LRP2: variants seen among roughly 807,000 people sequenced by gnomAD.
LRP2 encodes the protein low-density lipoprotein receptor-related protein 2.
A neutral mutation model predicts 531.0 loss-of-function variants in LRP2; 172 were observed. The observed-to-expected ratio is 0.32, with a 90% CI of 0.29 to 0.37. The LOEUF is 0.37. Ranked by LOEUF, LRP2 falls within the 10% of genes least tolerant of loss-of-function variation. LRP2 has a pLI of 1.00. For synonymous variants in LRP2, 1,992 were observed against 2,027.6 expected (o/e 0.98, Z 0.47); for missense variants, 5,167 against 5,868.3 (o/e 0.88, Z 3.90).
intron 64 of LRP2, 111 bp from the exon 65 acceptor site, chr2:169,156,516 G>C (rs1686337163): frequency 1.7e-6 from 2 of 1,180,622 alleles, no homozygotes; most frequent in South Asian, 1.2e-5. Context: ...GAAGGGTACA[G>C]ATGAAAATAA....
chr2:169,303,112 T>C (rs1279603225), intron 4 of LRP2, among the ~76,000 whole-genome samples: 2 of 152,134 alleles, frequency 1.3e-5, no homozygotes, highest in Non-Finnish European at 1.5e-5. Context: ...ATATTAGTTA[T>C]GAGTTCATCA....
At chr2:169,212,319 C>T in intron 36 of LRP2, 112 bp from the exon 37 acceptor site, 1 of 1,347,756 alleles carries the variant, frequency 7.4e-7, no homozygotes, top group South Asian at 1.2e-5. Context: ...TAATAACCAA[C>T]ATATAGTAGC....
intron 16 of LRP2, among the ~76,000 whole-genome samples, chr2:169,263,668 C>A (rs1238385927): frequency 6.6e-6 from 1 of 151,582 alleles, no homozygotes; most frequent in African/African-American, 2.4e-5. Flanking sequence ...CTAGTTCAAC[C>A]ATTGTGGAAG....
chr2:169,147,088 G>A (rs1685942296), intron 68 of LRP2, 129 bp from the exon 69 acceptor site: 1 of 738,432 alleles, frequency 1.4e-6, no homozygotes, highest in African/African-American at 1.7e-5. Flanking sequence ...AGTGACACCA[G>A]TTTTATATTT....
chr2:169,151,057 G>A, intron 67 of LRP2, 31 bp from the exon 68 acceptor site: 1 of 1,612,944 alleles, frequency 6.2e-7, no homozygotes, highest in Non-Finnish European at 8.5e-7. Context: ...TTAAACAACT[G>A]CAAAGCCTAG....
chr2:169,256,137 C>G lies in LRP2; in HGVS notation c.2739G>C (p.Met913Ile), dbSNP rs1185032643. 1 of 1,612,906 alleles carries G rather than the reference C, an allele frequency of 6.2e-7. No individual in the cohort carries two copies. The highest frequency in any genetic ancestry group is 1.3e-5 in the African/African-American group (1 of 74,870). The change falls in exon 19 of 79, where the codon ATG (methionine) becomes ATC (isoleucine). Residue 913 changes from methionine (M) to isoleucine (I), a missense_variant. Physicochemically the swap from Met to Ile is conservative, Grantham distance 10 (BLOSUM62 1). This residue lies in a region of LRP2 where 2,811 missense variants were observed against 3,058.0 expected (regional missense o/e 0.92). Coordinates refer to ENST00000649046, the MANE Select transcript of LRP2 (RefSeq NM_004525.3). ...DRRRLGHIEQMTHPFGLAIFG... is the reference protein window; with the variant it reads ...DRRRLGHIEQITHPFGLAIFG... ...AGATGGCAAGTCCAAACGGATGTGT[C>G]ATCTGCTCTATATGGCCCAGTCTTC...
At position 169,292,832 on chromosome 2, in the gene LRP2, CAAAAAAA is replaced by C. The variant is rs59783436; in HGVS notation, c.653-470_653-464del. ...TGGGTGACAGAGTGAGACCCTGTCT[CAAAAAAA>C]AAAAAAAAAAAAAAAAAAATTAAAA... On this transcript the variant is annotated intron_variant, in intron 6 of 78. Transcript: ENST00000649046. Among the ~76,000 whole-genome samples the C allele has an allele frequency of 1.5e-3, 158 of 107,052 alleles. 3 individuals are homozygous for C. Among genetic ancestry groups the C allele is most frequent in the African/African-American group, 4.3e-3 (126 of 29,386 alleles). The allele number at this position is 107,052 out of a possible 152,430, so 70.2% of individuals were successfully genotyped here.
chr2:169,259,391 A>C (rs898782937), intron 16 of LRP2, among the ~76,000 whole-genome samples, 174 bp from the exon 17 acceptor site: 1 of 151,640 alleles, frequency 6.6e-6, no homozygotes, highest in South Asian at 2.1e-4. Context: ...GAGCAATAAC[A>C]TGAGACAAAC....
intron 1 of LRP2, among the ~76,000 whole-genome samples, chr2:169,326,991 T>G (rs1457022043): frequency 6.8e-6 from 1 of 146,888 alleles, no homozygotes; most frequent in South Asian, 2.2e-4. Context: ...ATCCGCCCCA[T>G]CTGAGAAGTG....
At position 169,213,793 on chromosome 2, in the gene LRP2, G is replaced by T. The variant is rs1688681227; in HGVS notation, c.5904C>A (p.Val1968=). ...CAGTATAATAAAGGAAAGAATCATGGACTGCAATTCCCCAGGGGTGGGAAA... is the reference window on the plus strand; with the variant it reads ...CAGTATAATAAAGGAAAGAATCATGTACTGCAATTCCCCAGGGGTGGGAAA... ...HQLSHPWGIA[V]HDSFLYYTDE... The change falls in exon 36 of 79, where the codon GTC becomes GTA. Residue 1968 remains valine (V), a synonymous_variant. Transcript: ENST00000649046. 6.2e-7 allele frequency: 1 copy of T among 1,613,620 alleles called. No individual in the cohort carries two copies. The highest frequency in any genetic ancestry group is 1.3e-5 in the African/African-American group (1 of 74,856).
intron 73 of LRP2, 83 bp downstream of exon 73, chr2:169,139,460 C>A: frequency 6.2e-7 from 1 of 1,613,014 alleles, no homozygotes. Context: ...CCTTCAAAGA[C>A]TGGGTTAAGT....
At chr2:169,225,506 A>T in intron 32 of LRP2, 53 bp from the exon 33 acceptor site, 2 of 1,604,576 alleles carry the variant, frequency 1.2e-6, no homozygotes, top group East Asian at 4.5e-5. Context: ...GGCTCCTACA[A>T]AAGAACCCTT....
chr2:169,201,779 A>G lies in LRP2; in HGVS notation c.8301T>C (p.Gly2767=). 1 of 1,614,194 alleles carries G rather than the reference A, an allele frequency of 6.2e-7. No individual in the cohort carries two copies. The highest frequency in any genetic ancestry group is 8.5e-7 in the Non-Finnish European group (1 of 1,180,032). Residue 2767 remains glycine (G), a synonymous_variant, in exon 44 of 79, where the codon GGT becomes GGC. Coordinates refer to ENST00000649046, the MANE Select transcript of LRP2 (RefSeq NM_004525.3). ...SYRCDYYNDC[G]DGSDEAGCLF... is the part of the protein sequence containing the mutation. ...GGCACCCTGCCTCATCACTGCCATCACCACAGTCATTGTAGTAATCACAGC... is the reference window on the plus strand; with the variant it reads ...GGCACCCTGCCTCATCACTGCCATCGCCACAGTCATTGTAGTAATCACAGC...
rs1689742066 is a variant in LRP2, at chr2:169,239,867, T to C, written c.4046-92A>G. Reference sequence around the variant, plus strand: ...ATGCAATATTTATTATGCAGTCTCATGCCACCTTCAATATGATGCCCAGAC... The same window carrying C: ...ATGCAATATTTATTATGCAGTCTCACGCCACCTTCAATATGATGCCCAGAC... On this transcript the variant is annotated intron_variant, in intron 25 of 78. Transcript: ENST00000649046. The C allele has an allele frequency of 3.6e-6, 4 of 1,116,370 alleles. No individual in the cohort carries two copies. In the Admixed American group the frequency reaches 5.6e-5, roughly 16 times the overall value. The allele number at this position is 1,116,370 out of a possible 1,614,324, so 69.2% of individuals were successfully genotyped here. A position where few individuals can be genotyped will look rare whatever the true frequency, so the allele number is the denominator to read the frequency against.
At chr2:169,348,765 C>A (rs1685763076) in intron 1 of LRP2, among the ~76,000 whole-genome samples, 1 of 152,152 alleles carries the variant, frequency 6.6e-6, no homozygotes, top group South Asian at 2.1e-4. Context: ...GATGCAGATT[C>A]AACTACTCAA....
In LRP2 at chr2:169,257,223, C is replaced by T. The variant is rs537125368; in HGVS notation, c.2540G>A (p.Arg847His). 162 of 1,612,686 alleles carry T rather than the reference C, an allele frequency of 1.0e-4. No homozygotes were observed. Among genetic ancestry groups the T allele is most frequent in the South Asian group, 8.0e-4 (73 of 91,060 alleles). ...AGYLFFTDWF[R>H]PAKIMRAWSD... ...CCATGCTCTCATAATTTTAGCAGGA[C>T]GGAACCAATCAGTGAAGAATAGATA... Residue 847 changes from arginine to histidine, a missense_variant, in exon 18 of 79, where the codon CGT becomes CAT. This residue lies in a region of LRP2 where 2,811 missense variants were observed against 3,058.0 expected (regional missense o/e 0.92). Transcript: ENST00000649046.
intron 57 of LRP2, 115 bp from the exon 58 acceptor site, chr2:169,172,249 C>T: frequency 8.2e-7 from 1 of 1,219,000 alleles, no homozygotes; most frequent in Non-Finnish European, 1.2e-6. Flanking sequence ...CTTGAAGCTC[C>T]CAAAGAGAGG....
chr2:169,215,439 G>C (rs1688745417), intron 35 of LRP2, among the ~76,000 whole-genome samples: 1 of 152,096 alleles, frequency 6.6e-6, no homozygotes, highest in African/African-American at 2.4e-5. Context: ...TATAGTTTCT[G>C]CTTCTTATTG....
chr2:169,235,379 A>G (rs1689567777), intron 29 of LRP2, among the ~76,000 whole-genome samples: 1 of 151,848 alleles, frequency 6.6e-6, no homozygotes, highest in Non-Finnish European at 1.5e-5. Context: ...AGCTGAGACT[A>G]TAGGTGTGTG....
Sources: allele counts gnomAD v4.1 joint callset (sites outside exome capture counted in the v4.1 genomes callset), GRCh38; gene constraint gnomAD v4.1.1; regional missense constraint gnomAD v4.1.1; transcripts MANE v1.5; gene names NCBI Gene and HGNC (gene_info 2026-07-23, HGNC 2026-07-21).